Variants in DMD observed in about 807,000 individuals in gnomAD.
The protein encoded by DMD is mutant dystrophin.
A neutral mutation model predicts 330.1 loss-of-function variants in DMD; 63 were observed. That is an observed-to-expected ratio of 0.19 (90% CI 0.16 to 0.24). DMD has a LOEUF of 0.24. Ranked by LOEUF, DMD falls within the 10% of genes least tolerant of loss-of-function variation. The probability of loss-of-function intolerance (pLI) is 1.00; values close to 1 mark genes in which losing one functional copy is unlikely to be tolerated. For missense variants in DMD, 3,344 were observed against 2,684.1 expected, an observed-to-expected ratio of 1.25 and a Z score of -5.43; for synonymous variants, 1,223 against 959.8, an observed-to-expected ratio of 1.27 and a Z score of -5.07.
chrX:32,180,024 T>C (rs1407891311), intron 44 of DMD, among the ~76,000 whole-genome samples: 2 of 112,078 alleles, frequency 1.8e-5, no homozygotes, highest in Non-Finnish European at 3.8e-5. Context: ...CATAGGATTA[T>C]TGAGAAATAT....
intron 41 of DMD, among the ~76,000 whole-genome samples, chrX:32,310,539 G>T (rs2097558323): frequency 9.0e-6 from 1 of 111,370 alleles, no homozygotes; most frequent in Admixed American, 9.5e-5. Flanking sequence ...GAAAGACCAT[G>T]AGGTCATAAG....
intron 2 of DMD, among the ~76,000 whole-genome samples, chrX:32,937,091 ATCAACAGAGATATGC>A (rs2090072893): frequency 9.0e-6 from 1 of 110,976 alleles, no homozygotes; most frequent in African/African-American, 3.3e-5. Context: ...TAAAGGGGTT[ATCAACAGAGATATGC>A]TCAGTGTTAG....
intron 34 of DMD, among the ~76,000 whole-genome samples, chrX:32,368,402 G>A (rs1408653504): frequency 9.0e-6 from 1 of 111,579 alleles, no homozygotes; most frequent in Non-Finnish European, 1.9e-5. Context: ...ACTTGAAGGC[G>A]GAGTGTGCAT....
intron 55 of DMD, among the ~76,000 whole-genome samples, chrX:31,529,648 A>C (rs1482127433): frequency 8.9e-6 from 1 of 111,910 alleles, no homozygotes; most frequent in Non-Finnish European, 1.9e-5. Flanking sequence ...CCTGTTTCTT[A>C]CATTCAGGGA....
intron 1 of DMD, among the ~76,000 whole-genome samples, chrX:33,268,229 A>T (rs1227796418): frequency 1.8e-5 from 2 of 110,764 alleles, no homozygotes; most frequent in Non-Finnish European, 3.8e-5. Flanking sequence ...GCTTCGGGTA[A>T]TCCACCCACC....
At chrX:32,764,590 C>T (rs1404277515) in intron 7 of DMD, among the ~76,000 whole-genome samples, 1 of 111,552 alleles carries the variant, frequency 9.0e-6, no homozygotes, top group Non-Finnish European at 1.9e-5. Context: ...ATATCATCAT[C>T]AAGATTCATC....
intron 44 of DMD, among the ~76,000 whole-genome samples, chrX:32,062,402 T>A (rs2096232102): frequency 9.0e-6 from 1 of 110,909 alleles, no homozygotes; most frequent in African/African-American, 3.3e-5. Context: ...ACAGAATAAA[T>A]ATATCATATA....
intron 60 of DMD, among the ~76,000 whole-genome samples, chrX:31,385,130 A>T (rs1229438233): frequency 8.9e-6 from 1 of 112,183 alleles, no homozygotes; most frequent in Non-Finnish European, 1.9e-5. Context: ...AAGCACAAAC[A>T]AATCTACCTC....
Position 31,640,607 on chromosome X carries a change from A to G in DMD, c.8028-12745T>C, listed in dbSNP as rs1447213222. 4.4e-5 allele frequency among the ~76,000 whole-genome samples: 5 copies of G among 112,553 alleles called. 1 individual carries two copies. In the East Asian group the frequency reaches 1.1e-3, roughly 25 times the overall value. On this transcript the variant is annotated intron_variant, in intron 54 of 78. Transcript: ENST00000357033. ...CATTAAAATAATTTGCAACTAATAG[A>G]TAGGGACATGTAATTTGAAAACAAA...
At chrX:31,473,618 G>T (rs1427130178) in intron 59 of DMD, among the ~76,000 whole-genome samples, 1 of 103,421 alleles carries the variant, frequency 9.7e-6, no homozygotes, top group Non-Finnish European at 2.0e-5. Context: ...TACTCAGGAG[G>T]CTGAGGCAGG....
intron 63 of DMD, among the ~76,000 whole-genome samples, chrX:31,244,812 C>T (rs777757466): frequency 3.6e-5 from 4 of 111,750 alleles, no homozygotes; most frequent in Admixed American, 9.5e-5. Context: ...TTTGTTTTTG[C>T]ACTTCACCTT....
chrX:32,711,583 A>G (rs1361141146), intron 7 of DMD, among the ~76,000 whole-genome samples: 3 of 111,888 alleles, frequency 2.7e-5, no homozygotes, highest in Non-Finnish European at 5.6e-5. Flanking sequence ...TCTGGATTTA[A>G]TCTCTCACTT....
At chrX:31,583,575 G>GT (rs760068196) in intron 55 of DMD, among the ~76,000 whole-genome samples, 1 of 110,920 alleles carries the variant, frequency 9.0e-6, no homozygotes, top group African/African-American at 3.3e-5. Context: ...AAAGTGAGCT[G>GT]TGGGTAAAGA....
intron 43 of DMD, among the ~76,000 whole-genome samples, chrX:32,276,169 G>A (rs772425761): frequency 1.4e-4 from 16 of 112,278 alleles, no homozygotes; most frequent in Non-Finnish European, 2.8e-4. Context: ...TGCACGGAGG[G>A]AATATTTGAA....
At chrX:31,463,423 A>C (rs1171496865) in intron 59 of DMD, among the ~76,000 whole-genome samples, 1 of 112,130 alleles carries the variant, frequency 8.9e-6, no homozygotes, top group African/African-American at 3.2e-5. Flanking sequence ...GCCATTACTT[A>C]ACTTAGTTAA....
intron 43 of DMD, among the ~76,000 whole-genome samples, chrX:32,270,674 C>T (rs182224413): frequency 1.8e-5 from 2 of 111,568 alleles, no homozygotes; most frequent in African/African-American, 6.5e-5. Flanking sequence ...TCATGTGTTT[C>T]TGCTTACCCT....
At chrX:32,930,550 T>C (rs1234861253) in intron 2 of DMD, among the ~76,000 whole-genome samples, 1 of 110,814 alleles carries the variant, frequency 9.0e-6, no homozygotes, top group Non-Finnish European at 1.9e-5. Context: ...AATCTAATCA[T>C]AACCTGCTTT....
intron 2 of DMD, among the ~76,000 whole-genome samples, chrX:32,864,260 A>C (rs187139719): frequency 1.8e-5 from 2 of 112,082 alleles, no homozygotes; most frequent in Admixed American, 1.9e-4. Flanking sequence ...ACAACTGATG[A>C]AACAGACACA....
intron 30 of DMD, among the ~76,000 whole-genome samples, chrX:32,394,449 A>C (rs765535646): frequency 8.9e-6 from 1 of 112,228 alleles, no homozygotes; most frequent in Non-Finnish European, 1.9e-5. Flanking sequence ...CCAGCAATGA[A>C]GTTTTCTTAT....
Sources: allele counts gnomAD v4.1 joint callset (sites outside exome capture counted in the v4.1 genomes callset), GRCh38; gene constraint gnomAD v4.1.1; transcripts MANE v1.5; gene names NCBI Gene and HGNC (gene_info 2026-07-23, HGNC 2026-07-21).